Variants in C11orf65 observed in about 807,000 individuals in gnomAD.
The protein encoded by C11orf65 is protein MFI.
A neutral mutation model predicts 35.3 loss-of-function variants in C11orf65; 38 were observed. The ratio of observed to expected loss-of-function variants is 1.08; its 90% confidence interval spans 0.83 to 1.41. The LOEUF (loss-of-function observed/expected upper bound fraction) is 1.41, where lower values mean the gene tolerates loss of function less well. Ranked by LOEUF, C11orf65 falls within the 40% of genes most tolerant of loss-of-function variation. The probability of loss-of-function intolerance (pLI) is 0.00; values close to 1 mark genes in which losing one functional copy is unlikely to be tolerated. For missense variants in C11orf65, 370 were observed against 367.1 expected, an observed-to-expected ratio of 1.01 and a Z score of -0.06; for synonymous variants, 105 against 114.4, an observed-to-expected ratio of 0.92 and a Z score of 0.53.
At chr11:108,352,017 T>C (rs1405186466) in intron 2 of C11orf65, among the ~76,000 whole-genome samples, 1 of 152,134 alleles carries the variant, frequency 6.6e-6, no homozygotes, top group Non-Finnish European at 1.5e-5. Flanking sequence ...TGCCCTTACC[T>C]AGCAGTAACA....
intron 2 of C11orf65, among the ~76,000 whole-genome samples, chr11:108,450,223 G>A (rs771014645): frequency 2.6e-5 from 4 of 151,926 alleles, no homozygotes; most frequent in African/African-American, 7.3e-5. Flanking sequence ...AAGTCAGCAC[G>A]GCAATTCCTC....
chr11:108,437,707 TAAAA>T (rs145337876), intron 2 of C11orf65, among the ~76,000 whole-genome samples: 34 of 38,034 alleles, frequency 8.9e-4, no homozygotes, highest in Admixed American at 2.7e-3. Flanking sequence ...GACTCAGTCT[TAAAA>T]AAAAAAAAAA....
chr11:108,382,711 T>A, downstream of C11orf65: 1 of 923,860 alleles, frequency 1.1e-6, no homozygotes, highest in Non-Finnish European at 1.3e-6. Context: ...ATGAATGCAC[T>A]AAATGCCTCA....
intron 6 of C11orf65, among the ~76,000 whole-genome samples, chr11:108,312,868 T>C (rs1035872654): frequency 9.8e-5 from 15 of 152,348 alleles, no homozygotes; most frequent in African/African-American, 3.6e-4. Context: ...AGATTGCCTC[T>C]TCTATAAATT....
At chr11:108,392,373 T>C (rs2092186271) in intron 7 of C11orf65, among the ~76,000 whole-genome samples, 1 of 152,208 alleles carries the variant, frequency 6.6e-6, no homozygotes. Context: ...AATATTCTAT[T>C]GGATAGATCT....
intron 2 of C11orf65, among the ~76,000 whole-genome samples, chr11:108,456,891 C>T (rs779514320): frequency 1.3e-5 from 2 of 152,150 alleles, no homozygotes; most frequent in African/African-American, 4.8e-5. Context: ...CTTAGAGGAA[C>T]GAGGCAAGCC....
intron 2 of C11orf65, chr11:108,335,353 G>GTCTGT: frequency 2.5e-6 from 3 of 1,221,766 alleles, no homozygotes; most frequent in Non-Finnish European, 3.3e-6. Context: ...AACATGTACA[G>GTCTGT]ACATGTACAG....
At chr11:108,373,593 G>A (rs1025074221) in intron 2 of C11orf65, among the ~76,000 whole-genome samples, 2 of 152,354 alleles carry the variant, frequency 1.3e-5, no homozygotes, top group East Asian at 3.9e-4. Flanking sequence ...CCCAGTGTGA[G>A]CGACGCAGAA....
chr11:108,356,950 G>A (rs1018928322), intron 2 of C11orf65, among the ~76,000 whole-genome samples: 1 of 152,188 alleles, frequency 6.6e-6, no homozygotes, highest in African/African-American at 2.4e-5. Context: ...AGCCAAGATG[G>A]CCGAATAGGA....
Position 108,384,032 on chromosome 11 carries a change from TTTTA to T in C11orf65, c.788-861_788-858del, listed in dbSNP as rs1267213074. Among the ~76,000 whole-genome samples, 4 of 152,236 alleles carry T rather than the reference TTTTA, an allele frequency of 2.6e-5. No homozygotes were observed. In the East Asian group the frequency reaches 7.7e-4, roughly 29 times the overall value. On this transcript the variant is annotated intron_variant, in intron 8 of 8. Transcript: ENST00000393084. ...TGTATGCCACCATGCCCTGCTGACA[TTTTA>T]TTTTTTGTAGAGTGAGAGTCTCTTT...
intron 2 of C11orf65, among the ~76,000 whole-genome samples, chr11:108,459,770 C>CACACACACACACACA (rs3221698): frequency 7.8e-5 from 11 of 140,478 alleles, no homozygotes; most frequent in South Asian, 2.4e-4. Flanking sequence ...CACACACACA[C>CACACACACACACACA]CTCTTTATTT....
chr11:108,395,870 C>A (rs190893495), intron 6 of C11orf65, among the ~76,000 whole-genome samples: 1,862 of 151,904 alleles, frequency 0.012, 47 homozygotes, highest in African/African-American at 0.042. Context: ...ATCTGCCTGC[C>A]TCGGCCTCAC....
chr11:108,440,850 G>A (rs1433415543), intron 2 of C11orf65, among the ~76,000 whole-genome samples: 1 of 152,188 alleles, frequency 6.6e-6, no homozygotes, highest in Non-Finnish European at 1.5e-5. Flanking sequence ...CCGATAGGAA[G>A]AGGAGGTTCC....
intron 2 of C11orf65, among the ~76,000 whole-genome samples, chr11:108,442,598 G>A (rs2093174272): frequency 6.6e-6 from 1 of 152,140 alleles, no homozygotes. Context: ...ACCCACAAAG[G>A]GAAACCCATC....
chr11:108,374,153 G>A (rs540409668), intron 2 of C11orf65, among the ~76,000 whole-genome samples: 1 of 151,940 alleles, frequency 6.6e-6, no homozygotes, highest in East Asian at 1.9e-4. Context: ...CCAGCACGCA[G>A]TTTGAGATCT....
At chr11:108,412,933 T>C (rs1415067201) in intron 3 of C11orf65, among the ~76,000 whole-genome samples, 1 of 152,088 alleles carries the variant, frequency 6.6e-6, no homozygotes, top group African/African-American at 2.4e-5. Flanking sequence ...CAAAAACTGA[T>C]AAAACTGCAA....
At chr11:108,430,971 C>T (rs2092981476) in intron 3 of C11orf65, among the ~76,000 whole-genome samples, 1 of 148,648 alleles carries the variant, frequency 6.7e-6, no homozygotes, top group Admixed American at 6.7e-5. Flanking sequence ...AAGCACTTTC[C>T]ACATCACAAA....
chr11:108,336,051 C>T (rs1476995860), intron 2 of C11orf65: 1 of 965,306 alleles, frequency 1.0e-6, no homozygotes, highest in East Asian at 2.5e-5. Context: ...ATTCATAATG[C>T]TTTGGGAGGC....
intron 6 of C11orf65, among the ~76,000 whole-genome samples, chr11:108,403,845 C>T (rs2092487501): frequency 1.3e-5 from 2 of 152,180 alleles, no homozygotes; most frequent in Non-Finnish European, 2.9e-5. Context: ...GACGGAGTCT[C>T]GCTCTGTCGC....
Sources: gnomAD v4.1 joint callset for allele counts (sites outside exome capture counted in the v4.1 genomes callset) on GRCh38, gnomAD v4.1.1 for gene constraint, MANE v1.5 for transcripts, NCBI Gene and HGNC (gene_info 2026-07-23, HGNC 2026-07-21) for gene names.